Variants in PTPRD observed in about 807,000 individuals in gnomAD.
PTPRD encodes receptor-type tyrosine-protein phosphatase delta.
A neutral mutation model predicts 214.5 loss-of-function variants in PTPRD; 34 were observed. The observed-to-expected ratio is 0.16, with a 90% CI of 0.12 to 0.21. The LOEUF is 0.21. Among genes scored for constraint, PTPRD ranks in the 10% least tolerant of loss-of-function variants. PTPRD has a pLI of 1.00. For synonymous variants in PTPRD, 1,128 were observed against 845.7 expected (o/e 1.33, Z -5.79); for missense variants, 2,545 against 2,398.7 (o/e 1.06, Z -1.27).
chr9:8,376,508 C>T, intron 38 of PTPRD, 99 bp downstream of exon 38: 1 of 1,542,734 alleles, frequency 6.5e-7, no homozygotes, highest in East Asian at 2.4e-5. Flanking sequence ...CCATTGAGAT[C>T]AAGATTTAAG....
chr9:9,536,488 G>T (rs2076543703), intron 8 of PTPRD, among the ~76,000 whole-genome samples: 1 of 152,008 alleles, frequency 6.6e-6, no homozygotes. Context: ...TAATATCCAT[G>T]CATCTGTTGA....
At chr9:9,592,553 A>C (rs2092839697) in intron 7 of PTPRD, among the ~76,000 whole-genome samples, 1 of 152,030 alleles carries the variant, frequency 6.6e-6, no homozygotes, top group Admixed American at 6.6e-5. Context: ...GGATTTGAGC[A>C]TCGAGCAAAT....
chr9:10,053,695 T>C (rs1470662424), intron 3 of PTPRD, among the ~76,000 whole-genome samples: 1 of 152,162 alleles, frequency 6.6e-6, no homozygotes, highest in East Asian at 1.9e-4. Context: ...ACCATTCTAA[T>C]TTATGAAGAT....
chr9:10,426,967 G>T (rs908593881), intron 2 of PTPRD, among the ~76,000 whole-genome samples: 30 of 151,978 alleles, frequency 2.0e-4, no homozygotes, highest in African/African-American at 7.2e-4. Flanking sequence ...GAGGCCCAAT[G>T]TATCAATATT....
chr9:8,731,671 C>A lies in PTPRD; in HGVS notation c.64+2109G>T, dbSNP rs570334115. Among the ~76,000 whole-genome samples the A allele has an allele frequency of 7.2e-5, 11 of 152,324 alleles. No homozygotes were observed. In the South Asian group the frequency reaches 1.9e-3, roughly 26 times the overall value. On this transcript the variant is annotated intron_variant, in intron 12 of 45. Transcript: ENST00000381196. Reference sequence around the variant, plus strand: ...ATGATATCTCCGACTCTACCATGTGCTTTCACAAACCACAGGTATCTTCTG... The same window carrying A: ...ATGATATCTCCGACTCTACCATGTGATTTCACAAACCACAGGTATCTTCTG...
At chr9:9,702,227 T>A (rs2097521054) in intron 7 of PTPRD, among the ~76,000 whole-genome samples, 1 of 152,132 alleles carries the variant, frequency 6.6e-6, no homozygotes, top group Non-Finnish European at 1.5e-5. Flanking sequence ...AACGAAGACA[T>A]AGTTGAAGTC....
At chr9:9,319,616 T>C (rs368460643) in intron 9 of PTPRD, among the ~76,000 whole-genome samples, 37 of 152,260 alleles carry the variant, frequency 2.4e-4, no homozygotes, top group African/African-American at 8.7e-4. Context: ...TCTTCATACT[T>C]TACCAAGTGT....
chr9:9,812,024 C>G (rs926228364), intron 5 of PTPRD, among the ~76,000 whole-genome samples: 8 of 152,186 alleles, frequency 5.3e-5, no homozygotes, highest in Admixed American at 6.5e-5. Flanking sequence ...CAGTTAGCAG[C>G]CATCAACATT....
At chr9:8,531,843 G>C (rs1455182435) in intron 14 of PTPRD, among the ~76,000 whole-genome samples, 2 of 152,176 alleles carry the variant, frequency 1.3e-5, no homozygotes, top group Admixed American at 6.6e-5. Context: ...AAGAAATCTA[G>C]ATTTAATAAC....
At chr9:8,585,454 A>G (rs1485317781) in intron 14 of PTPRD, among the ~76,000 whole-genome samples, 6 of 152,164 alleles carry the variant, frequency 3.9e-5, no homozygotes, top group African/African-American at 1.4e-4. Context: ...TATGGACTGG[A>G]AAGTCTGGGA....
chr9:8,842,493 G>T (rs1467124328), intron 11 of PTPRD, among the ~76,000 whole-genome samples: 1 of 152,116 alleles, frequency 6.6e-6, no homozygotes, highest in African/African-American at 2.4e-5. Context: ...ACTACCTTTG[G>T]TTTGTATTTG....
At chr9:9,004,926 G>A (rs990118915) in intron 11 of PTPRD, among the ~76,000 whole-genome samples, 20 of 152,066 alleles carry the variant, frequency 1.3e-4, no homozygotes, top group Non-Finnish European at 2.1e-4. Context: ...ACCAGGGCAC[G>A]GGGAAGCCAA....
chr9:9,447,393 C>T (rs1239220748), intron 8 of PTPRD, among the ~76,000 whole-genome samples: 2 of 152,004 alleles, frequency 1.3e-5, no homozygotes, highest in East Asian at 1.9e-4. Flanking sequence ...GGCCATTATC[C>T]TTAGCAAACT....
At chr9:9,760,868 C>A (rs1003803381) in intron 6 of PTPRD, among the ~76,000 whole-genome samples, 1 of 152,026 alleles carries the variant, frequency 6.6e-6, no homozygotes, top group Admixed American at 6.6e-5. Flanking sequence ...ATATACCTAT[C>A]AGAATGGCTA....
intron 10 of PTPRD, among the ~76,000 whole-genome samples, chr9:9,147,039 A>C (rs2099869757): frequency 6.6e-6 from 1 of 152,152 alleles, no homozygotes; most frequent in South Asian, 2.1e-4. Context: ...ATATAGATAG[A>C]CTTTAACTAC....
intron 8 of PTPRD, among the ~76,000 whole-genome samples, chr9:9,485,704 T>G (rs2095600399): frequency 1.3e-5 from 2 of 152,210 alleles, no homozygotes; most frequent in African/African-American, 4.8e-5. Context: ...GTATTGCGAT[T>G]CTGGTACAAG....
intron 3 of PTPRD, among the ~76,000 whole-genome samples, chr9:10,298,405 A>G (rs1437297995): frequency 3.3e-5 from 5 of 152,130 alleles, no homozygotes; most frequent in African/African-American, 1.2e-4. Flanking sequence ...GATCCTTGCC[A>G]AGCCATGCAT....
At chr9:9,162,223 G>A (rs1407148469) in intron 10 of PTPRD, among the ~76,000 whole-genome samples, 2 of 152,110 alleles carry the variant, frequency 1.3e-5, no homozygotes, top group African/African-American at 2.4e-5. Context: ...GCAAAAAGTG[G>A]CAGATTGGTG....
intron 2 of PTPRD, among the ~76,000 whole-genome samples, chr9:10,561,041 T>C (rs2063833938): frequency 6.6e-6 from 1 of 152,182 alleles, no homozygotes; most frequent in Non-Finnish European, 1.5e-5. Flanking sequence ...AAGTTGATTT[T>C]TTTCAATTCT....
Sources: allele counts gnomAD v4.1 joint callset (sites outside exome capture counted in the v4.1 genomes callset), GRCh38; gene constraint gnomAD v4.1.1; transcripts MANE v1.5; gene names NCBI Gene and HGNC (gene_info 2026-07-23, HGNC 2026-07-21).